KCNH1: variants seen among roughly 807,000 people sequenced by gnomAD.
The protein encoded by KCNH1 is potassium voltage-gated channel subfamily H member 1.
In KCNH1, 27 loss-of-function variants were observed where a neutral mutation model predicts 69.2. The observed-to-expected ratio is 0.39, with a 90% CI of 0.29 to 0.54. KCNH1 has a LOEUF of 0.54. Among genes scored for constraint, KCNH1 ranks in the 20% least tolerant of loss-of-function variants. KCNH1 has a pLI of 0.68. For synonymous variants in KCNH1, 456 were observed against 487.7 expected, an observed-to-expected ratio of 0.93 and a Z score of 0.86; for missense variants, 798 against 1,261.6, an observed-to-expected ratio of 0.63 and a Z score of 5.57.
chr1:210,718,115 A>G (rs1682308157), intron 10 of KCNH1, among the ~76,000 whole-genome samples: 1 of 150,624 alleles, frequency 6.6e-6, no homozygotes, highest in Admixed American at 6.7e-5. Context: ...TCAGAAAACA[A>G]AAACAAAAAC....
intron 9 of KCNH1, among the ~76,000 whole-genome samples, chr1:210,779,394 TAA>T (rs1683929929): frequency 6.6e-6 from 1 of 152,280 alleles, no homozygotes; most frequent in East Asian, 1.9e-4. Flanking sequence ...ATGACACACA[TAA>T]CTTGGGAGAA....
chr1:210,732,586 A>G (rs890969080), intron 10 of KCNH1, among the ~76,000 whole-genome samples: 3 of 152,304 alleles, frequency 2.0e-5, no homozygotes, highest in Non-Finnish European at 4.4e-5. Flanking sequence ...GAGGAGGCCT[A>G]TCTTAGTCCA....
At chr1:210,928,117 GA>G (rs1194050011) in intron 6 of KCNH1, among the ~76,000 whole-genome samples, 2 of 151,978 alleles carry the variant, frequency 1.3e-5, no homozygotes, top group South Asian at 4.1e-4. Flanking sequence ...AATAGTGGGG[GA>G]CTTTAATACT....
At chr1:210,960,742 A>C (rs1421105096) in intron 6 of KCNH1, among the ~76,000 whole-genome samples, 1 of 152,204 alleles carries the variant, frequency 6.6e-6, no homozygotes, top group Non-Finnish European at 1.5e-5. Flanking sequence ...TTATATAGTC[A>C]CATGCTATAT....
At chr1:211,070,460 A>AACACACAC (rs777469884) in intron 5 of KCNH1, among the ~76,000 whole-genome samples, 18 of 128,878 alleles carry the variant, frequency 1.4e-4, no homozygotes, top group Non-Finnish European at 1.7e-4. Context: ...CACACACACA[A>AACACACAC]ACAAACAAAT....
chr1:211,076,279 C>T (rs1690731221), intron 5 of KCNH1, among the ~76,000 whole-genome samples: 1 of 152,230 alleles, frequency 6.6e-6, no homozygotes, highest in East Asian at 1.9e-4. Context: ...AGACTGCCTC[C>T]TCAAGTGGGT....
At chr1:211,007,569 A>G (rs1689307929) in intron 6 of KCNH1, among the ~76,000 whole-genome samples, 1 of 151,976 alleles carries the variant, frequency 6.6e-6, no homozygotes, top group Non-Finnish European at 1.5e-5. Context: ...ACCTTCCTCA[A>G]CAGGTGTTTT....
chr1:210,964,068 AG>A (rs1688348703), intron 6 of KCNH1, among the ~76,000 whole-genome samples: 1 of 152,224 alleles, frequency 6.6e-6, no homozygotes, highest in Non-Finnish European at 1.5e-5. Flanking sequence ...CACAAAGGGA[AG>A]CCCATCAGAC....
chr1:210,867,290 T>G (rs2102489697), intron 7 of KCNH1, among the ~76,000 whole-genome samples: 1 of 151,636 alleles, frequency 6.6e-6, no homozygotes, highest in South Asian at 2.1e-4. Context: ...TCAATATTTA[T>G]ATCCACACAC....
At chr1:210,711,070 G>A (rs1302899637) in intron 10 of KCNH1, among the ~76,000 whole-genome samples, 2 of 152,126 alleles carry the variant, frequency 1.3e-5, no homozygotes, top group Non-Finnish European at 2.9e-5. Flanking sequence ...TGGCTCTCTG[G>A]CTCCCAAATC....
intron 10 of KCNH1, among the ~76,000 whole-genome samples, chr1:210,720,170 G>A (rs1345506535): frequency 1.3e-5 from 2 of 152,064 alleles, no homozygotes; most frequent in Non-Finnish European, 2.9e-5. Context: ...CTTTGTGGAA[G>A]GTACAAACAG....
At chr1:210,984,410 T>A (rs1688785524) in intron 6 of KCNH1, among the ~76,000 whole-genome samples, 1 of 152,188 alleles carries the variant, frequency 6.6e-6, no homozygotes, top group South Asian at 2.1e-4. Flanking sequence ...GGCTGTGGGT[T>A]TGTTATAGAT....
chr1:211,061,960 A>C (rs1690440103), intron 5 of KCNH1, among the ~76,000 whole-genome samples: 1 of 152,198 alleles, frequency 6.6e-6, no homozygotes, highest in South Asian at 2.1e-4. Context: ...AAATACAAAA[A>C]TTAATCCTAA....
intron 10 of KCNH1, among the ~76,000 whole-genome samples, chr1:210,758,384 A>G (rs2102347186): frequency 6.6e-6 from 1 of 152,298 alleles, no homozygotes; most frequent in Non-Finnish European, 1.5e-5. Flanking sequence ...GCTGAAGCCA[A>G]GGTTTCTCCC....
At chr1:210,926,665 C>A (rs1687580936) in intron 6 of KCNH1, among the ~76,000 whole-genome samples, 1 of 151,774 alleles carries the variant, frequency 6.6e-6, no homozygotes, top group Non-Finnish European at 1.5e-5. Flanking sequence ...CTTCTTTAAC[C>A]CCCGCAAAAG....
chr1:210,845,417 G>A (rs1685518588), intron 7 of KCNH1, among the ~76,000 whole-genome samples: 1 of 151,982 alleles, frequency 6.6e-6, no homozygotes, highest in Non-Finnish European at 1.5e-5. Context: ...TGCAAGGCTG[G>A]TTAAACATAC....
At position 211,133,797 on chromosome 1, in the gene KCNH1, C is replaced by T. The variant is rs1691921688; in HGVS notation, c.79+70G>A. ...TTCTGCTGCATCTGCTGGCTCCGAG[C>T]GGCGAGAGGTTCTGCAATAAAGGCA... is the stretch of plus-strand genomic sequence containing the variant. On this transcript the variant is annotated intron_variant, in intron 1 of 10. Transcript: ENST00000271751. This position sits in a 1 kb window ranked among gnomAD's most constrained non-coding sequence, Gnocchi z 5.4. 5 of 1,404,324 alleles carry T rather than the reference C, an allele frequency of 3.6e-6. No homozygotes were observed. The highest frequency in any genetic ancestry group is 1.4e-5 in the African/African-American group (1 of 69,580). The allele number at this position is 1,404,324 out of a possible 1,614,324, so 87.0% of individuals were successfully genotyped here.
Position 210,977,116 on chromosome 1 carries a change from G to A in KCNH1, c.1032+41667C>T, listed in dbSNP as rs1574373716. 2.6e-5 allele frequency among the ~76,000 whole-genome samples: 4 copies of A among 152,290 alleles called. No homozygotes were observed. In the South Asian group the frequency reaches 8.3e-4, roughly 32 times the overall value. ...ACACCATGGAATACTAAGCAGCCATGAAAAAGGATGAGTTCATGTCCTTTG... is the reference window on the plus strand; with the variant it reads ...ACACCATGGAATACTAAGCAGCCATAAAAAAGGATGAGTTCATGTCCTTTG... On this transcript the variant is annotated intron_variant, in intron 6 of 10. Coordinates refer to ENST00000271751, the MANE Select transcript of KCNH1 (RefSeq NM_172362.3).
intron 10 of KCNH1, among the ~76,000 whole-genome samples, chr1:210,757,130 C>T (rs1683416106): frequency 6.6e-6 from 1 of 152,016 alleles, no homozygotes; most frequent in African/African-American, 2.4e-5. Flanking sequence ...CCCTTTGTAG[C>T]CCTGGGGGAG....
Sources: gnomAD v4.1 joint callset for allele counts (sites outside exome capture counted in the v4.1 genomes callset) on GRCh38, gnomAD v4.1.1 for gene constraint, Gnocchi (gnomAD v3.1) non-coding constraint, MANE v1.5 for transcripts, NCBI Gene and HGNC (gene_info 2026-07-23, HGNC 2026-07-21) for gene names.